WEE1: variants seen among roughly 807,000 people sequenced by gnomAD.
WEE1 encodes the protein wee1-like protein kinase.
In WEE1, 16 loss-of-function variants were observed where a neutral mutation model predicts 68.8. The observed-to-expected ratio is 0.23, with a 90% confidence interval of 0.16 to 0.35. The LOEUF is 0.35. Among genes scored for constraint, WEE1 ranks in the 10% least tolerant of loss-of-function variants. The pLI is 1.00. For missense variants in WEE1, 651 were observed against 824.1 expected (o/e 0.79, Z 2.57); for synonymous variants, 349 against 318.7 (o/e 1.09, Z -1.01).
rs777310825 is a variant in WEE1 at position 9,586,572 on chromosome 11, C to T, written c.1594C>T (p.Pro532Ser). Residue 532 changes from proline (P) to serine (S), a missense_variant, in exon 9 of 11, where the codon CCT becomes TCT. Physicochemically the swap from Pro to Ser is moderately conservative, Grantham distance 74 (BLOSUM62 -1). Around this residue, in one of 5 missense-constraint regions of WEE1, gnomAD observed 115 missense variants for 142.7 expected, o/e 0.81. Transcript: ENST00000450114. ...QWHEIRQGRL[P>S]RIPQVLSQEF... ...GCATGAAATCAGACAGGGTAGATTA[C>T]CTCGGATACCACAAGTGCTTTCCCA... 1 of 1,614,120 alleles carries T rather than the reference C, an allele frequency of 6.2e-7. No individual in the cohort carries two copies.
chr11:9,577,871 A>G (rs963960707), intron 5 of WEE1: 4 of 456,044 alleles, frequency 8.8e-6, no homozygotes, highest in Non-Finnish European at 1.8e-5. Context: ...TCAAGTTTGG[A>G]TGTCTTGTAT....
In WEE1 at chr11:9,589,445, A is replaced by G; in HGVS notation, c.*843A>G. ...TGTCTCCCCCTAAGTTTTATACTTG[A>G]TTGTATTATTAGTCTGTTTTTAAAT... On this transcript the variant is annotated 3_prime_UTR_variant, in exon 11 of 11. Transcript: ENST00000450114. 1.0e-6 allele frequency: 1 copy of G among 984,962 alleles called. No individual in the cohort carries two copies. The highest frequency in any genetic ancestry group is 1.2e-6 in the Non-Finnish European group (1 of 829,686). 61.0% of individuals were successfully genotyped at this position (984,962 alleles called of 1,614,324 possible).
intron 4 of WEE1, 65 bp from the exon 5 acceptor site, chr11:9,577,077 A>C (rs913133087): frequency 1.8e-5 from 27 of 1,512,856 alleles, no homozygotes; most frequent in South Asian, 2.6e-5. Context: ...GTTTCAGATA[A>C]ATTAATTCAG....
Position 9,588,822 on chromosome 11 carries a change from T to C in WEE1, c.*220T>C. The stretch of plus-strand genomic sequence containing the variant: ...CTGTCTTCTGTAGGATGTGTCACTG[T>C]TGGATGTTACACCAGCCTTTCCAGG... On this transcript the variant is annotated 3_prime_UTR_variant, in exon 11 of 11. Transcript: ENST00000450114. 8.8e-7 allele frequency: 1 copy of C among 1,140,074 alleles called. No individual in the cohort carries two copies. Among genetic ancestry groups the C allele is most frequent in the Non-Finnish European group, 1.1e-6 (1 of 926,344 alleles). The allele number at this position is 1,140,074 out of a possible 1,614,324, so 70.6% of individuals were successfully genotyped here.
chr11:9,574,354 G>A lies in WEE1; in HGVS notation c.421G>A (p.Val141Met). The A allele has an allele frequency of 8.0e-7, 1 of 1,248,174 alleles. No homozygotes were observed. Among genetic ancestry groups the A allele is most frequent in the Admixed American group, 3.8e-5 (1 of 25,986 alleles). 77.3% of individuals were successfully genotyped at this position (1,248,174 alleles called of 1,614,324 possible). The change falls in exon 1 of 11, where the codon GTG becomes ATG. Residue 141 changes from valine to methionine, a missense_variant. Val to Met is a conservative substitution (Grantham distance 21, BLOSUM62 1). This residue lies in a region of WEE1 where 395 missense variants were observed against 378.4 expected (regional missense o/e 1.04). Coordinates refer to ENST00000450114, the MANE Select transcript of WEE1 (RefSeq NM_003390.4). This position sits in a 1 kb window ranked among gnomAD's most constrained non-coding sequence, Gnocchi z 4.9. ...CTTCCTGGGTAGCTCTTTCTCGCCG[G>A]TGCGCTGCGGCGGCCCAGGAGATGC... is the stretch of plus-strand genomic sequence containing the variant. ...PYFLGSSFSP[V>M]RCGGPGDASP...
chr11:9,583,922 T>C (rs898919000), intron 6 of WEE1, among the ~76,000 whole-genome samples: 2 of 148,722 alleles, frequency 1.3e-5, no homozygotes, highest in African/African-American at 5.0e-5. Flanking sequence ...CTCGGCTCAC[T>C]GCAACCTCTG....
intron 1 of WEE1, chr11:9,575,210 G>T (rs981455608): frequency 1.0e-6 from 1 of 985,510 alleles, no homozygotes; most frequent in Non-Finnish European, 1.2e-6. Flanking sequence ...TCCTACCGTA[G>T]ATAAGGTATC....
At chr11:9,588,328 T>C (rs1565091593) in intron 10 of WEE1, 121 bp from the exon 11 acceptor site, 9 of 612,964 alleles carry the variant, frequency 1.5e-5, no homozygotes, top group Non-Finnish European at 2.3e-5. Context: ...CTGTTTTATT[T>C]TTCAATTACA....
chr11:9,583,246 GA>G (rs1214395671), intron 6 of WEE1, among the ~76,000 whole-genome samples: 2 of 151,812 alleles, frequency 1.3e-5, no homozygotes, highest in Admixed American at 1.3e-4. Context: ...CCGGGAGGCG[GA>G]GGTTGCAGTG....
At chr11:9,577,564 G>A in intron 5 of WEE1, 1 of 353,130 alleles carries the variant, frequency 2.8e-6, no homozygotes, top group Non-Finnish European at 5.4e-6. Flanking sequence ...AGCGTAGTGT[G>A]TGAAGCATAT....
At chr11:9,585,634 A>C (rs1409705697) in intron 8 of WEE1, 107 bp downstream of exon 8, 2 of 928,380 alleles carry the variant, frequency 2.2e-6, no homozygotes, top group East Asian at 5.7e-5. Flanking sequence ...AATAGAATGG[A>C]AATAAAATCT....
chr11:9,585,559 C>G, intron 8 of WEE1, 32 bp downstream of exon 8: 2 of 1,488,036 alleles, frequency 1.3e-6, no homozygotes, highest in Non-Finnish European at 9.1e-7. Context: ...TCATAGTTTG[C>G]TTTGTAACAC....
intron 6 of WEE1, among the ~76,000 whole-genome samples, chr11:9,582,101 G>A (rs943188491): frequency 9.2e-5 from 14 of 152,170 alleles, no homozygotes; most frequent in Non-Finnish European, 1.6e-4. Context: ...ACTAATGAGG[G>A]CACTAAAAAT....
chr11:9,581,566 C>T lies in WEE1; in HGVS notation c.1176C>T (p.Tyr392=). Reference sequence around the variant, plus strand: ...TAGCTGATGCTATAAGTGAAAACTACAGAATCATGAGTTACTTTAAAGAAG... The same window carrying T: ...TAGCTGATGCTATAAGTGAAAACTATAGAATCATGAGTTACTTTAAAGAAG... ...GSLADAISEN[Y]RIMSYFKEAE... Residue 392 remains tyrosine (Y), a synonymous_variant, in exon 6 of 11, where the codon TAC becomes TAT. Coordinates refer to ENST00000450114, the MANE Select transcript of WEE1 (RefSeq NM_003390.4). 6.2e-7 allele frequency: 1 copy of T among 1,609,756 alleles called. No homozygotes were observed. Among genetic ancestry groups the T allele is most frequent in the Non-Finnish European group, 8.5e-7 (1 of 1,179,308 alleles).
intron 5 of WEE1, chr11:9,579,199 C>T (rs1013690359): frequency 1.3e-5 from 2 of 152,182 alleles, no homozygotes; most frequent in African/African-American, 2.4e-5. Flanking sequence ...AATAAATAGT[C>T]CTGCATGAAA....
intron 10 of WEE1, among the ~76,000 whole-genome samples, chr11:9,587,364 G>A (rs900146426): frequency 1.3e-5 from 2 of 152,132 alleles, no homozygotes; most frequent in Non-Finnish European, 2.9e-5. Flanking sequence ...TTCAAATTAC[G>A]AACTTTAAAA....
At chr11:9,581,413 G>A in intron 5 of WEE1, 119 bp from the exon 6 acceptor site, 1 of 912,258 alleles carries the variant, frequency 1.1e-6, no homozygotes, top group Non-Finnish European at 1.6e-6. Flanking sequence ...GAAGGGAGAA[G>A]GTCCTATAAA....
At chr11:9,586,023 A>G (rs1469467451) in intron 8 of WEE1, among the ~76,000 whole-genome samples, 1 of 152,228 alleles carries the variant, frequency 6.6e-6, no homozygotes, top group Non-Finnish European at 1.5e-5. Context: ...AATAAGTAGA[A>G]AAATATAAAG....
Position 9,576,004 on chromosome 11 carries a change from T to C in WEE1, c.693T>C (p.Pro231=). 6.2e-7 allele frequency: 1 copy of C among 1,614,204 alleles called. No individual in the cohort carries two copies. Among genetic ancestry groups the C allele is most frequent in the East Asian group, 2.2e-5 (1 of 44,876 alleles). ...GGGAATTTGATGTGCGACAGACTCC[T>C]CAAGTGAATATTAATCCTTTTACTC... ...GKREFDVRQT[P]QVNINPFTPD... is the part of the protein sequence containing the mutation. Residue 231 remains proline (P), a synonymous_variant, in exon 2 of 11, where the codon CCT becomes CCC. Transcript: ENST00000450114. This position sits in a 1 kb window ranked among gnomAD's most constrained non-coding sequence, Gnocchi z 4.3.
Sources: allele counts gnomAD v4.1 joint callset (sites outside exome capture counted in the v4.1 genomes callset), GRCh38; gene constraint gnomAD v4.1.1; regional missense constraint gnomAD v4.1.1; non-coding constraint Gnocchi (gnomAD v3.1); transcripts MANE v1.5; gene names NCBI Gene and HGNC (gene_info 2026-07-23, HGNC 2026-07-21).